RBFOX1: variants seen among roughly 807,000 people sequenced by gnomAD.
The protein encoded by RBFOX1 is RNA binding fox-1 homolog 1.
Under a neutral mutation model 57.7 loss-of-function variants are expected in RBFOX1, and 8 were observed. That is an observed-to-expected ratio of 0.14 (90% CI 0.08 to 0.25). The LOEUF is 0.25. Among genes scored for constraint, RBFOX1 ranks in the 10% least tolerant of loss-of-function variants. RBFOX1 has a pLI of 1.00. For synonymous variants in RBFOX1, 326 were observed against 222.4 expected (o/e 1.47, Z -4.15); for missense variants, 611 against 548.5 (o/e 1.11, Z -1.14).
chr16:5,721,832 A>G (rs2051947485), intron 3 of RBFOX1, among the ~76,000 whole-genome samples: 1 of 152,204 alleles, frequency 6.6e-6, no homozygotes, highest in South Asian at 2.1e-4. Flanking sequence ...GCTTGTAACT[A>G]GAGAATCTCA....
At chr16:6,917,546 T>C (rs1033205184) in intron 3 of RBFOX1, among the ~76,000 whole-genome samples, 9 of 152,196 alleles carry the variant, frequency 5.9e-5, no homozygotes, top group African/African-American at 9.7e-5. Context: ...GCTAACAATG[T>C]TCATTTTTCT....
intron 2 of RBFOX1, among the ~76,000 whole-genome samples, chr16:5,471,500 A>G (rs1163843641): frequency 6.6e-6 from 1 of 152,154 alleles, no homozygotes. Flanking sequence ...CAGGAAGCTG[A>G]AGATGAGACC....
At chr16:6,964,719 A>G (rs1994767) in intron 3 of RBFOX1, among the ~76,000 whole-genome samples, 152,326 of 152,332 alleles carry the variant, frequency 1, 76,160 homozygotes, top group Middle Eastern at 1. Context: ...CTGATGAGGT[A>G]AGGTCCGGAA....
At chr16:5,431,416 C>G (rs1430636202) in intron 1 of RBFOX1, among the ~76,000 whole-genome samples, 2 of 151,896 alleles carry the variant, frequency 1.3e-5, no homozygotes, top group Non-Finnish European at 2.9e-5. Flanking sequence ...GCTCTGTTAC[C>G]CAGGCTGGAG....
At chr16:6,635,261 T>C (rs909031875) in intron 2 of RBFOX1, among the ~76,000 whole-genome samples, 2 of 151,534 alleles carry the variant, frequency 1.3e-5, no homozygotes, top group African/African-American at 4.8e-5. Flanking sequence ...CTAAAAATGA[T>C]TTTTTGGAAC....
intron 3 of RBFOX1, among the ~76,000 whole-genome samples, chr16:5,646,675 C>G (rs963816260): frequency 6.6e-6 from 1 of 152,038 alleles, no homozygotes; most frequent in Non-Finnish European, 1.5e-5. Context: ...CGCTTTGTCA[C>G]CCAGGCTGGA....
At chr16:7,070,345 G>T (rs1003178601) in intron 4 of RBFOX1, among the ~76,000 whole-genome samples, 1 of 152,142 alleles carries the variant, frequency 6.6e-6, no homozygotes, top group African/African-American at 2.4e-5. Flanking sequence ...AGAGAACATG[G>T]AGGCATGATT....
At chr16:5,993,650 G>A (rs2060444349) in intron 4 of RBFOX1, among the ~76,000 whole-genome samples, 1 of 152,150 alleles carries the variant, frequency 6.6e-6, no homozygotes. Context: ...CCATCAAGGA[G>A]CCATAATCAA....
At chr16:7,662,979 C>T (rs919245659) in intron 12 of RBFOX1, among the ~76,000 whole-genome samples, 2 of 152,154 alleles carry the variant, frequency 1.3e-5, no homozygotes, top group African/African-American at 4.8e-5. Context: ...ATGGTCATGT[C>T]ACTGCTTTTG....
chr16:6,450,857 A>ATATATGTG lies in RBFOX1; in HGVS notation c.-64+133805_-64+133806insGTGTATAT. On this transcript the variant is annotated intron_variant, in intron 2 of 15. Coordinates refer to ENST00000550418, the MANE Select transcript of RBFOX1 (RefSeq NM_018723.4). ...TATATGTGTATATATATATATATAT[A>ATATATGTG]TATATATATATATATATCTCCTCTG... Among the ~76,000 whole-genome samples the ATATATGTG allele has an allele frequency of 2.8e-4, 23 of 82,708 alleles. 5 individuals carry two copies. Among genetic ancestry groups the ATATATGTG allele is most frequent in the African/African-American group, 1.2e-3 (23 of 18,976 alleles). The allele number at this position is 82,708 out of a possible 152,430, so 54.3% of individuals were successfully genotyped here. A position where few individuals can be genotyped will look rare whatever the true frequency, so the allele number is the denominator to read the frequency against.
chr16:6,182,466 A>G (rs12920682), intron 1 of RBFOX1, among the ~76,000 whole-genome samples: 139,437 of 152,208 alleles, frequency 0.92, 64,545 homozygotes, highest in East Asian at 1. Context: ...GCTAATATGC[A>G]TTTGTTTTTT....
At chr16:6,691,915 A>G (rs1034936224) in intron 3 of RBFOX1, among the ~76,000 whole-genome samples, 2 of 151,824 alleles carry the variant, frequency 1.3e-5, no homozygotes, top group South Asian at 4.1e-4. Flanking sequence ...CTGGTTTTGA[A>G]TATGGAGGAA....
At chr16:7,471,993 A>T (rs894763355) in intron 4 of RBFOX1, among the ~76,000 whole-genome samples, 1 of 152,218 alleles carries the variant, frequency 6.6e-6, no homozygotes, top group African/African-American at 2.4e-5. Flanking sequence ...CACAGAGTAC[A>T]AATGAGGTAG....
chr16:7,102,832 AAC>A (rs1011560921), intron 4 of RBFOX1, among the ~76,000 whole-genome samples: 5 of 152,142 alleles, frequency 3.3e-5, no homozygotes, highest in Non-Finnish European at 5.9e-5. Context: ...GAGATTAGAA[AAC>A]ACAGCCTAAT....
chr16:7,434,659 T>C (rs768542665), intron 4 of RBFOX1, among the ~76,000 whole-genome samples: 5 of 152,106 alleles, frequency 3.3e-5, no homozygotes, highest in Admixed American at 6.5e-5. Context: ...TAGAATACTT[T>C]TACATTTACA....
intron 2 of RBFOX1, among the ~76,000 whole-genome samples, chr16:5,478,777 A>G (rs1414730727): frequency 2.0e-5 from 3 of 152,108 alleles, no homozygotes; most frequent in Admixed American, 6.5e-5. Flanking sequence ...ATAGGGAGCC[A>G]TAGTATGTTA....
chr16:6,791,496 C>T lies in RBFOX1; in HGVS notation c.-16+136846C>T, dbSNP rs983719712. On this transcript the variant is annotated intron_variant, in intron 3 of 15. Coordinates refer to ENST00000550418, the MANE Select transcript of RBFOX1 (RefSeq NM_018723.4). ...GCATCACGCCAGTCACATTGGCTCA[C>T]ACCTGTAATCCCAGCACTTCGGGAG... Among the ~76,000 whole-genome samples, 8 of 152,204 alleles carry T rather than the reference C, an allele frequency of 5.3e-5. No individual in the cohort carries two copies. In the South Asian group the frequency reaches 1.2e-3, roughly 24 times the overall value.
chr16:5,724,514 T>A (rs953908598), intron 3 of RBFOX1, among the ~76,000 whole-genome samples: 5 of 152,150 alleles, frequency 3.3e-5, no homozygotes, highest in African/African-American at 1.2e-4. Context: ...CAGGACCCAT[T>A]ACCTACCCAC....
intron 1 of RBFOX1, among the ~76,000 whole-genome samples, chr16:6,239,625 G>C (rs1489581006): frequency 6.7e-6 from 1 of 150,300 alleles, no homozygotes; most frequent in African/African-American, 2.4e-5. Flanking sequence ...AGCCTCCTGA[G>C]TAGCTGGGAC....
Sources: gnomAD v4.1 joint callset for allele counts (sites outside exome capture counted in the v4.1 genomes callset) on GRCh38, gnomAD v4.1.1 for gene constraint, MANE v1.5 for transcripts, NCBI Gene and HGNC (gene_info 2026-07-23, HGNC 2026-07-21) for gene names.